The following SGK3 variants were observed in gnomAD, a reference collection of about 807,000 sequenced individuals.
The protein encoded by SGK3 is serine/threonine-protein kinase Sgk3.
SGK3 carries 47 observed loss-of-function variants against 68.5 expected under a neutral mutation model. The observed-to-expected ratio is 0.69, with a 90% CI of 0.54 to 0.87. The LOEUF (loss-of-function observed/expected upper bound fraction) is 0.87. Ranked by LOEUF, SGK3 falls within the 40% of genes least tolerant of loss-of-function variation. The pLI, the probability that SGK3 is intolerant of heterozygous loss-of-function variation, is 0.00. For missense variants in SGK3, 479 were observed against 575.5 expected (o/e 0.83, Z 1.72); for synonymous variants, 181 against 189.1 (o/e 0.96, Z 0.35).
chr8:66,822,491 A>C (rs1808884401), intron 6 of SGK3, 32 bp downstream of exon 6: 1 of 1,593,910 alleles, frequency 6.3e-7, no homozygotes, highest in African/African-American at 1.3e-5. Context: ...CTTAATAGAA[A>C]AAATACTATT....
At chr8:66,775,223 C>A (rs954118667) in intron 1 of SGK3, 1 of 152,364 alleles carries the variant, frequency 6.6e-6, no homozygotes, top group African/African-American at 2.4e-5. Context: ...CAGCTGGCGC[C>A]GCTGGGAGCT....
chr8:66,831,312 G>A lies in SGK3; in HGVS notation c.525+1G>A. 6.2e-7 allele frequency: 1 copy of A among 1,613,812 alleles called. No individual in the cohort carries two copies. The highest frequency in any genetic ancestry group is 8.5e-7 in the Non-Finnish European group (1 of 1,179,868). On this transcript the variant is annotated splice_donor_variant, in intron 8 of 16. Coordinates refer to ENST00000521198, the MANE Select transcript of SGK3 (RefSeq NM_001033578.3). LOFTEE classifies it high-confidence loss of function. ...TATTGGAAAAGGCAGCTTTGGCAAG[G>A]TAAGAGTGTTTTGTGAGGTTTTTAT...
At chr8:66,805,199 C>T (rs1474362351) in intron 4 of SGK3, among the ~76,000 whole-genome samples, 1 of 152,018 alleles carries the variant, frequency 6.6e-6, no homozygotes, top group Non-Finnish European at 1.5e-5. Context: ...TACATAGTAA[C>T]TTGTAGGCCT....
intron 1 of SGK3, among the ~76,000 whole-genome samples, chr8:66,756,213 G>A (rs764209163): frequency 1.3e-5 from 2 of 152,130 alleles, no homozygotes; most frequent in Non-Finnish European, 2.9e-5. Flanking sequence ...GCTCAGGAGA[G>A]ACCAGCTCTG....
chr8:66,847,695 A>G (rs2130740633), intron 15 of SGK3, among the ~76,000 whole-genome samples: 1 of 152,216 alleles, frequency 6.6e-6, no homozygotes, highest in East Asian at 1.9e-4. Context: ...TTTTATTGCT[A>G]AATAATACTA....
intron 13 of SGK3, among the ~76,000 whole-genome samples, chr8:66,841,784 T>C (rs889624499): frequency 6.6e-6 from 1 of 152,224 alleles, no homozygotes; most frequent in African/African-American, 2.4e-5. Context: ...TCCCATTTTC[T>C]AATCATGTTA....
chr8:66,749,356 A>T (rs938020654), intron 1 of SGK3, among the ~76,000 whole-genome samples: 1 of 150,716 alleles, frequency 6.6e-6, no homozygotes, highest in Admixed American at 6.6e-5. Flanking sequence ...TACCCACTAC[A>T]CTCCAGTCTG....
intron 1 of SGK3, among the ~76,000 whole-genome samples, chr8:66,782,512 TA>T (rs2130532024): frequency 6.6e-6 from 1 of 152,308 alleles, no homozygotes; most frequent in Admixed American, 6.5e-5. Flanking sequence ...TAGATTCCAT[TA>T]GGGTTCACTC....
intron 8 of SGK3, among the ~76,000 whole-genome samples, chr8:66,832,246 G>A (rs1199787935): frequency 6.6e-6 from 1 of 152,050 alleles, no homozygotes; most frequent in African/African-American, 2.4e-5. Context: ...TTAAGGCCAG[G>A]GTTAACAGGA....
At chr8:66,767,476 T>C (rs780489891) in intron 1 of SGK3, 7 of 1,468,414 alleles carry the variant, frequency 4.8e-6, no homozygotes, top group East Asian at 2.3e-5. Context: ...CTGCAACAGA[T>C]TGGATTTCCA....
At chr8:66,769,493 G>C (rs1355122071) in intron 1 of SGK3, among the ~76,000 whole-genome samples, 2 of 152,136 alleles carry the variant, frequency 1.3e-5, no homozygotes, top group African/African-American at 4.8e-5. Context: ...CAAAATGCTG[G>C]GATTATAGGT....
At chr8:66,794,064 CTAAT>C (rs1807575388) in intron 2 of SGK3, among the ~76,000 whole-genome samples, 2 of 152,132 alleles carry the variant, frequency 1.3e-5, no homozygotes, top group Non-Finnish European at 2.9e-5. Context: ...ATGAAACTAT[CTAAT>C]TAATCTTCTT....
intron 5 of SGK3, among the ~76,000 whole-genome samples, chr8:66,820,895 A>G (rs1054270707): frequency 3.3e-5 from 5 of 152,136 alleles, no homozygotes; most frequent in African/African-American, 1.2e-4. Flanking sequence ...TTGTGGAGAC[A>G]GAGTCTTGCT....
At chr8:66,839,929 A>T (rs2130722125) in intron 10 of SGK3, 74 bp from the exon 11 acceptor site, 1 of 1,336,670 alleles carries the variant, frequency 7.5e-7, no homozygotes, top group Non-Finnish European at 1.0e-6. Context: ...TATTTACCGA[A>T]TATATTTGTT....
rs879272277 is a variant in SGK3 at position 66,861,382 on chromosome 8, A to G, written c.*1801A>G. ...CAGCACTTTGGGAGGCCAAGGCAGG[A>G]GGATCACTTGAGCCTATGAGTTCAA... On this transcript the variant is annotated 3_prime_UTR_variant, in exon 17 of 17. Coordinates refer to ENST00000521198, the MANE Select transcript of SGK3 (RefSeq NM_001033578.3). 3.3e-5 allele frequency: 5 copies of G among 152,218 alleles called. No individual in the cohort carries two copies. Among genetic ancestry groups the G allele is most frequent in the Non-Finnish European group, 7.3e-5 (5 of 68,062 alleles). The allele number at this position is 152,218 out of a possible 1,614,324, so 9.4% of individuals were successfully genotyped here.
intron 5 of SGK3, among the ~76,000 whole-genome samples, chr8:66,819,925 C>G (rs1327268682): frequency 6.6e-6 from 1 of 151,904 alleles, no homozygotes; most frequent in African/African-American, 2.4e-5. Flanking sequence ...TCAAGAGATT[C>G]TCCTGCCTCA....
intron 1 of SGK3, among the ~76,000 whole-genome samples, chr8:66,787,387 A>G (rs1045201307): frequency 6.6e-6 from 1 of 152,234 alleles, no homozygotes; most frequent in African/African-American, 2.4e-5. Flanking sequence ...CTTTTACGCT[A>G]TCTCAAATCC....
intron 1 of SGK3, among the ~76,000 whole-genome samples, chr8:66,725,577 A>G (rs998913449): frequency 2.4e-4 from 36 of 152,108 alleles, no homozygotes; most frequent in African/African-American, 8.7e-4. Context: ...TAAAAAATAG[A>G]TCTATATATA....
intron 2 of SGK3, among the ~76,000 whole-genome samples, chr8:66,797,582 A>G (rs1327672299): frequency 1.3e-5 from 2 of 152,180 alleles, no homozygotes; most frequent in Admixed American, 1.3e-4. Context: ...TTATGATTAT[A>G]TGAGGTTATG....
Sources: gnomAD v4.1 joint callset for allele counts (sites outside exome capture counted in the v4.1 genomes callset) on GRCh38, gnomAD v4.1.1 for gene constraint, MANE v1.5 for transcripts, NCBI Gene and HGNC (gene_info 2026-07-23, HGNC 2026-07-21) for gene names.